DLGAP2: variants seen among roughly 807,000 people sequenced by gnomAD.
DLGAP2 encodes the protein DLG associated protein 2, also known as disks large-associated protein 2.
Under a neutral mutation model 100.3 loss-of-function variants are expected in DLGAP2, and 26 were observed. The observed-to-expected ratio is 0.26, with a 90% CI of 0.19 to 0.36. DLGAP2 has a LOEUF of 0.36. Ranked by LOEUF, DLGAP2 falls within the 10% of genes least tolerant of loss-of-function variation. DLGAP2 has a pLI of 1.00. For missense variants in DLGAP2, 1,858 were observed against 1,453.2 expected, an observed-to-expected ratio of 1.28 and a Z score of -4.53; for synonymous variants, 886 against 630.1, an observed-to-expected ratio of 1.41 and a Z score of -6.08.
In DLGAP2 at chr8:914,466, A is replaced by G. The variant is rs143434101; in HGVS notation, c.73+6500A>G. Among the ~76,000 whole-genome samples, 7 of 152,020 alleles carry G rather than the reference A, an allele frequency of 4.6e-5. No individual in the cohort carries two copies. The East Asian group carries it at 9.7e-4, about 21-fold the overall frequency. ...TGCTAGAACAAGGGGGTGTGGATCA[A>G]TAGTGTTGGGACCACAGGTCTTTTA... On this transcript the variant is annotated intron_variant, in intron 2 of 14. Transcript: ENST00000637795.
intron 2 of DLGAP2, among the ~76,000 whole-genome samples, chr8:1,099,287 C>T (rs531371346): frequency 6.6e-6 from 1 of 152,250 alleles, no homozygotes; most frequent in Non-Finnish European, 1.5e-5. Context: ...TCTTCACATT[C>T]ACAACAATGA....
intron 1 of DLGAP2, among the ~76,000 whole-genome samples, chr8:743,523 A>G (rs1038290846): frequency 6.6e-6 from 1 of 152,174 alleles, no homozygotes; most frequent in Non-Finnish European, 1.5e-5. Flanking sequence ...CAAAACTCAC[A>G]TGCACAGCCT....
intron 3 of DLGAP2, among the ~76,000 whole-genome samples, chr8:1,287,152 G>GTGTGGTTAGGAGGGGAACTAGTT (rs1799940353): frequency 7.7e-6 from 1 of 129,478 alleles, no homozygotes; most frequent in Non-Finnish European, 1.7e-5. Context: ...GTGTGTGTGT[G>GTGTGGTTAGGAGGGGAACTAGTT]TGTGTGCGCG....
At chr8:1,091,590 A>G (rs528212990) in intron 2 of DLGAP2, among the ~76,000 whole-genome samples, 25 of 152,342 alleles carry the variant, frequency 1.6e-4, no homozygotes, top group African/African-American at 4.6e-4. Flanking sequence ...CAGTGATGCC[A>G]TATCATTCGG....
chr8:1,676,726 T>C, intron 11 of DLGAP2, 108 bp downstream of exon 11: 1 of 1,077,146 alleles, frequency 9.3e-7, no homozygotes, highest in South Asian at 1.4e-5. Flanking sequence ...CCTGTCCTTG[T>C]GGAAACAGGG....
intron 1 of DLGAP2, chr8:821,968 C>G (rs149900880): frequency 2.5e-6 from 1 of 394,878 alleles, no homozygotes; most frequent in Admixed American, 4.4e-5. Flanking sequence ...CCATATTGCT[C>G]TTTTCAGCTG....
intron 3 of DLGAP2, among the ~76,000 whole-genome samples, chr8:1,283,194 T>C (rs59865304): frequency 0.025 from 3,612 of 145,926 alleles, 36 homozygotes; most frequent in African/African-American, 0.045. Flanking sequence ...ACGTGAACCA[T>C]CCAGACGTGG....
intron 2 of DLGAP2, among the ~76,000 whole-genome samples, chr8:961,714 G>A (rs192978773): frequency 2.0e-5 from 3 of 152,162 alleles, no homozygotes; most frequent in Non-Finnish European, 4.4e-5. Context: ...ACATAACTAT[G>A]TGAAAATTAT....
At chr8:1,227,194 ATTCATTTTTAAGAGTGT>A in intron 2 of DLGAP2, among the ~76,000 whole-genome samples, 1 of 98,068 alleles carries the variant, frequency 1.0e-5, no homozygotes, top group African/African-American at 6.1e-5. Flanking sequence ...TATATTATCC[ATTCATTTTTAAGAGTGT>A]TATATATATA....
At chr8:1,260,147 C>T (rs1043897603) in intron 3 of DLGAP2, among the ~76,000 whole-genome samples, 3 of 151,992 alleles carry the variant, frequency 2.0e-5, no homozygotes, top group African/African-American at 7.3e-5. Context: ...GGTCCTTTCC[C>T]CTGGAGACCC....
At chr8:1,096,912 G>A (rs554535144) in intron 2 of DLGAP2, among the ~76,000 whole-genome samples, 49 of 141,174 alleles carry the variant, frequency 3.5e-4, no homozygotes, top group African/African-American at 1.2e-3. Flanking sequence ...ACCTCCCTGC[G>A]CTCAGTACAG....
chr8:1,294,094 C>G (rs1301006958), intron 3 of DLGAP2, among the ~76,000 whole-genome samples: 5 of 152,186 alleles, frequency 3.3e-5, no homozygotes, highest in Admixed American at 2.6e-4. Flanking sequence ...TCCAACAAAA[C>G]TATGTGGAGG....
At chr8:1,699,387 T>C (rs1189223625) in intron 14 of DLGAP2, among the ~76,000 whole-genome samples, 1 of 150,242 alleles carries the variant, frequency 6.7e-6, no homozygotes, top group Non-Finnish European at 1.5e-5. Context: ...AGGTGGATCA[T>C]GAGGTCAGGA....
intron 1 of DLGAP2, among the ~76,000 whole-genome samples, chr8:776,074 C>G (rs1433031293): frequency 6.6e-6 from 1 of 152,056 alleles, no homozygotes; most frequent in African/African-American, 2.4e-5. Flanking sequence ...CTGGTTTAGT[C>G]TTGGGAGAGT....
At chr8:1,276,461 G>T (rs953764717) in intron 3 of DLGAP2, among the ~76,000 whole-genome samples, 1 of 152,116 alleles carries the variant, frequency 6.6e-6, no homozygotes, top group Admixed American at 6.6e-5. Context: ...AGGGTGAGGG[G>T]GGACGGGAGG....
chr8:1,053,341 G>C (rs1242987079), intron 2 of DLGAP2, among the ~76,000 whole-genome samples: 1 of 152,050 alleles, frequency 6.6e-6, no homozygotes, highest in African/African-American at 2.4e-5. Context: ...GGGGAACATA[G>C]AATGAAGTGC....
chr8:1,500,202 C>G (rs1453085367), intron 3 of DLGAP2, among the ~76,000 whole-genome samples: 4 of 152,224 alleles, frequency 2.6e-5, no homozygotes, highest in Non-Finnish European at 5.9e-5. Flanking sequence ...TAACGTGGTG[C>G]CAAATTCTCC....
chr8:1,527,287 C>T (rs1052517492), intron 4 of DLGAP2, among the ~76,000 whole-genome samples: 6 of 152,252 alleles, frequency 3.9e-5, no homozygotes, highest in African/African-American at 1.4e-4. Flanking sequence ...CTGAGTGACA[C>T]CACCATCCAC....
intron 2 of DLGAP2, among the ~76,000 whole-genome samples, chr8:949,209 A>G (rs1248546869): frequency 2.6e-5 from 4 of 152,192 alleles, no homozygotes; most frequent in African/African-American, 7.2e-5. Context: ...GGGATGCATC[A>G]AGGGTCCAGC....
Sources: gnomAD v4.1 joint callset for allele counts (sites outside exome capture counted in the v4.1 genomes callset) on GRCh38, gnomAD v4.1.1 for gene constraint, MANE v1.5 for transcripts, NCBI Gene and HGNC (gene_info 2026-07-23, HGNC 2026-07-21) for gene names.